Variants in MAML2 observed in about 807,000 individuals in gnomAD.
MAML2 encodes the protein mastermind like transcriptional coactivator 2.
In MAML2, 22 loss-of-function variants were observed where a neutral mutation model predicts 96.1. The ratio of observed to expected loss-of-function variants is 0.23; its 90% confidence interval spans 0.16 to 0.33. The LOEUF (loss-of-function observed/expected upper bound fraction) is 0.33, where lower values mean the gene tolerates loss of function less well. Ranked by LOEUF, MAML2 falls within the 10% of genes least tolerant of loss-of-function variation. The pLI is 1.00. For synonymous variants in MAML2, 561 were observed against 521.3 expected (o/e 1.08, Z -1.04); for missense variants, 1,367 against 1,392.4 (o/e 0.98, Z 0.29).
chr11:96,193,849 C>A (rs1222151540), intron 1 of MAML2, among the ~76,000 whole-genome samples: 1 of 152,154 alleles, frequency 6.6e-6, no homozygotes, highest in East Asian at 1.9e-4. Context: ...TCTTAAGAAA[C>A]ATATCAAAAG....
chr11:96,065,280 T>C (rs2135782386), intron 2 of MAML2, among the ~76,000 whole-genome samples: 1 of 152,318 alleles, frequency 6.6e-6, no homozygotes, highest in Non-Finnish European at 1.5e-5. Context: ...TCTTGTAATA[T>C]ACCCAGGATA....
At chr11:96,078,894 G>C (rs1859490321) in intron 2 of MAML2, among the ~76,000 whole-genome samples, 2 of 152,316 alleles carry the variant, frequency 1.3e-5, no homozygotes, top group African/African-American at 4.8e-5. Context: ...TTCCAACAAG[G>C]ATATCAATTC....
chr11:96,316,859 C>A (rs1409077171), intron 1 of MAML2, among the ~76,000 whole-genome samples: 1 of 151,884 alleles, frequency 6.6e-6, no homozygotes, highest in African/African-American at 2.4e-5. Flanking sequence ...AAGTGGTGCC[C>A]AGACAGGGGA....
intron 1 of MAML2, among the ~76,000 whole-genome samples, chr11:96,137,169 C>G (rs1373205111): frequency 6.6e-6 from 1 of 152,138 alleles, no homozygotes; most frequent in Non-Finnish European, 1.5e-5. Flanking sequence ...GTTGCATGCA[C>G]TTAATATCAT....
intron 1 of MAML2, among the ~76,000 whole-genome samples, chr11:96,250,219 CTTTTT>C (rs958147168): frequency 6.6e-6 from 1 of 151,668 alleles, no homozygotes; most frequent in Non-Finnish European, 1.5e-5. Context: ...ATCTGCTTTT[CTTTTT>C]TATTTAAAAA....
At chr11:96,048,234 C>G (rs944029512) in intron 2 of MAML2, among the ~76,000 whole-genome samples, 1 of 152,094 alleles carries the variant, frequency 6.6e-6, no homozygotes, top group Non-Finnish European at 1.5e-5. Flanking sequence ...TAACATTATT[C>G]TAACTTAATT....
intron 1 of MAML2, among the ~76,000 whole-genome samples, chr11:96,267,001 G>A (rs538869500): frequency 6.6e-6 from 1 of 152,356 alleles, no homozygotes; most frequent in Non-Finnish European, 1.5e-5. Context: ...ATATTTTTAA[G>A]AGAGTGAATG....
intron 2 of MAML2, among the ~76,000 whole-genome samples, chr11:96,014,947 G>A (rs1858320894): frequency 6.6e-6 from 1 of 152,138 alleles, no homozygotes; most frequent in African/African-American, 2.4e-5. Context: ...CTCCATATCA[G>A]TCACTACACT....
At chr11:96,170,721 CTTTTTTGTTTTG>C (rs1315101989) in intron 1 of MAML2, among the ~76,000 whole-genome samples, 1 of 151,712 alleles carries the variant, frequency 6.6e-6, no homozygotes, top group African/African-American at 2.4e-5. Flanking sequence ...GTAGATTCTA[CTTTTTTGTTTTG>C]AGATGGAGTC....
intron 2 of MAML2, among the ~76,000 whole-genome samples, chr11:96,042,294 G>A (rs1329897803): frequency 1.3e-5 from 2 of 151,880 alleles, no homozygotes; most frequent in African/African-American, 4.8e-5. Context: ...GGCTATTTTT[G>A]TATTTTTAGT....
intron 1 of MAML2, among the ~76,000 whole-genome samples, chr11:96,247,989 A>G (rs1346271115): frequency 6.6e-6 from 1 of 152,128 alleles, no homozygotes; most frequent in African/African-American, 2.4e-5. Context: ...TTAGTGTAAA[A>G]TGTACTGGAT....
intron 1 of MAML2, among the ~76,000 whole-genome samples, chr11:96,211,646 A>G (rs1283008859): frequency 6.6e-6 from 1 of 152,160 alleles, no homozygotes; most frequent in African/African-American, 2.4e-5. Flanking sequence ...GATGTCAGGC[A>G]AGTACTTGAG....
At chr11:96,065,007 C>T (rs1394496911) in intron 2 of MAML2, among the ~76,000 whole-genome samples, 2 of 152,120 alleles carry the variant, frequency 1.3e-5, no homozygotes, top group South Asian at 4.1e-4. Flanking sequence ...AAGCCAACAT[C>T]TCAACAAAGT....
chr11:96,035,478 G>T, intron 2 of MAML2, among the ~76,000 whole-genome samples: 1 of 152,308 alleles, frequency 6.6e-6, no homozygotes, highest in Admixed American at 6.5e-5. Flanking sequence ...TCTGTCAGGT[G>T]TTAGCTCCTG....
rs1261845798 is a variant in MAML2 at position 96,287,689 on chromosome 11, T to C, written c.513+53694A>G. On this transcript the variant is annotated intron_variant, in intron 1 of 4. Coordinates refer to ENST00000524717, the MANE Select transcript of MAML2 (RefSeq NM_032427.4). ...CGTTAAGTAGATTGTTCTACGGTAA[T>C]TGAACTACAAAACAAAATCATTAAA... Among the ~76,000 whole-genome samples the C allele has an allele frequency of 3.3e-5, 5 of 152,204 alleles. No homozygotes were observed. The East Asian group carries it at 5.8e-4, about 18-fold the overall frequency.
intron 1 of MAML2, among the ~76,000 whole-genome samples, chr11:96,209,314 A>T (rs1224442678): frequency 6.6e-6 from 1 of 151,948 alleles, no homozygotes. Flanking sequence ...CTCCATCTTC[A>T]TCTACTTATG....
At chr11:96,022,123 C>T (rs1858445337) in intron 2 of MAML2, among the ~76,000 whole-genome samples, 1 of 152,178 alleles carries the variant, frequency 6.6e-6, no homozygotes, top group Non-Finnish European at 1.5e-5. Flanking sequence ...TATCACTGCT[C>T]CTGCTCCTCC....
At chr11:95,993,960 C>T (rs906103657) in intron 2 of MAML2, among the ~76,000 whole-genome samples, 5 of 152,202 alleles carry the variant, frequency 3.3e-5, no homozygotes, top group African/African-American at 1.2e-4. Context: ...GATGAGAAAC[C>T]TGAGCTCAGA....
chr11:96,212,148 T>TGG (rs1312366683), intron 1 of MAML2, among the ~76,000 whole-genome samples: 5 of 125,910 alleles, frequency 4.0e-5, no homozygotes, highest in Admixed American at 1.6e-4. Flanking sequence ...TGTGTGTGTG[T>TGG]GTGGAAGGGG....
Sources: allele counts gnomAD v4.1 joint callset (sites outside exome capture counted in the v4.1 genomes callset), GRCh38; gene constraint gnomAD v4.1.1; transcripts MANE v1.5; gene names NCBI Gene and HGNC (gene_info 2026-07-23, HGNC 2026-07-21).